The following NAV2 variants were observed in gnomAD, a reference collection of about 807,000 sequenced individuals.
NAV2 encodes the protein neuron navigator 2.
A neutral mutation model predicts 223.2 loss-of-function variants in NAV2; 54 were observed. The observed-to-expected ratio is 0.24, with a 90% confidence interval of 0.19 to 0.30. The LOEUF is 0.30. Among genes scored for constraint, NAV2 ranks in the 10% least tolerant of loss-of-function variants. The pLI is 1.00. For missense variants in NAV2, 2,806 were observed against 3,147.5 expected, an observed-to-expected ratio of 0.89 and a Z score of 2.60; for synonymous variants, 1,279 against 1,239.3, an observed-to-expected ratio of 1.03 and a Z score of -0.67.
chr11:19,865,143 G>A (rs11025300), intron 3 of NAV2, among the ~76,000 whole-genome samples: 22,250 of 152,146 alleles, frequency 0.15, 1,684 homozygotes, highest in Middle Eastern at 0.17. Flanking sequence ...ATACTTTGCT[G>A]TTTAAGAGTC....
chr11:19,714,064 T>A (rs1437799442), intron 1 of NAV2, 102 bp downstream of exon 1: 7 of 1,466,146 alleles, frequency 4.8e-6, no homozygotes, highest in African/African-American at 1.4e-5. Context: ...GGGTCTACCA[T>A]GTGGCCAGGG....
chr11:19,368,087 C>T (rs1045652576), intron 1 of NAV2, among the ~76,000 whole-genome samples: 7 of 152,194 alleles, frequency 4.6e-5, no homozygotes, highest in African/African-American at 1.7e-4. Flanking sequence ...TCAACAAGTA[C>T]TCTGATGTTA....
At chr11:19,633,792 C>T (rs2047414019) in intron 1 of NAV2, among the ~76,000 whole-genome samples, 3 of 152,232 alleles carry the variant, frequency 2.0e-5, no homozygotes, top group Admixed American at 2.0e-4. Flanking sequence ...CCATAAAGTG[C>T]ACTGGGAGGA....
intron 1 of NAV2, among the ~76,000 whole-genome samples, chr11:19,531,581 A>T (rs530979181): frequency 2.0e-5 from 3 of 152,362 alleles, no homozygotes; most frequent in African/African-American, 7.2e-5. Flanking sequence ...GGTAACTCCA[A>T]GATTTTGGCC....
At chr11:19,723,779 G>A (rs1454206709) in intron 1 of NAV2, among the ~76,000 whole-genome samples, 1 of 152,222 alleles carries the variant, frequency 6.6e-6, no homozygotes, top group East Asian at 1.9e-4. Context: ...CTAACAGCTG[G>A]CAGGACCTTG....
intron 1 of NAV2, among the ~76,000 whole-genome samples, chr11:19,818,529 A>T (rs2059221865): frequency 6.6e-6 from 1 of 152,142 alleles, no homozygotes; most frequent in Non-Finnish European, 1.5e-5. Context: ...ATGAGTTTTA[A>T]ATATTTACTA....
intron 1 of NAV2, among the ~76,000 whole-genome samples, chr11:19,513,599 T>G (rs1214516517): frequency 6.6e-6 from 1 of 152,212 alleles, no homozygotes; most frequent in Admixed American, 6.5e-5. Flanking sequence ...TCCCTTTTGA[T>G]GCTCCCATTA....
intron 1 of NAV2, among the ~76,000 whole-genome samples, chr11:19,757,918 C>A (rs7928626): frequency 6.6e-6 from 1 of 152,058 alleles, no homozygotes; most frequent in Non-Finnish European, 1.5e-5. Context: ...GTCTTACCCC[C>A]AGTCTCTTGG....
intron 1 of NAV2, among the ~76,000 whole-genome samples, chr11:19,641,155 C>A (rs1220426689): frequency 6.6e-6 from 1 of 152,168 alleles, no homozygotes; most frequent in Non-Finnish European, 1.5e-5. Flanking sequence ...CTGGGAGGGG[C>A]AGAGGTAAGT....
chr11:19,789,126 C>A (rs962941916), intron 1 of NAV2, among the ~76,000 whole-genome samples: 1 of 151,976 alleles, frequency 6.6e-6, no homozygotes, highest in Non-Finnish European at 1.5e-5. Context: ...AAGAGAGACA[C>A]CATTTCTCTA....
intron 1 of NAV2, among the ~76,000 whole-genome samples, chr11:19,392,127 G>A (rs1407237525): frequency 6.6e-6 from 1 of 152,182 alleles, no homozygotes; most frequent in Admixed American, 6.5e-5. Context: ...AATCAGACTT[G>A]AAAAGTAGTA....
rs527494470 is a variant in NAV2, at chr11:20,056,105, C to T, written c.4831+148C>T. The stretch of plus-strand genomic sequence containing the variant: ...CACCTCTCCCACCTACTCTGGGGGT[C>T]AGGGGTGGGGATCTCTGAAGAGTAA... On this transcript the variant is annotated intron_variant, in intron 19 of 37. Coordinates refer to ENST00000349880, the MANE Select transcript of NAV2 (RefSeq NM_145117.5). 88 of 715,130 alleles carry T rather than the reference C, an allele frequency of 1.2e-4. 2 individuals carry two copies. The South Asian group carries it at 1.5e-3, about 12-fold the overall frequency. 44.3% of individuals were successfully genotyped at this position (715,130 alleles called of 1,614,324 possible).
At chr11:19,958,633 T>C (rs1006327447) in intron 10 of NAV2, among the ~76,000 whole-genome samples, 3 of 152,172 alleles carry the variant, frequency 2.0e-5, no homozygotes, top group Non-Finnish European at 2.9e-5. Context: ...GATCATGGTG[T>C]GTACTCTCAG....
chr11:19,853,709 T>C (rs1012691353), intron 3 of NAV2, among the ~76,000 whole-genome samples: 4 of 152,216 alleles, frequency 2.6e-5, no homozygotes, highest in Admixed American at 6.5e-5. Context: ...GGTTGGAGTT[T>C]GAGATGCCTT....
intron 6 of NAV2, among the ~76,000 whole-genome samples, chr11:19,923,019 G>A (rs771999038): frequency 1.6e-4 from 24 of 152,146 alleles, no homozygotes; most frequent in Non-Finnish European, 3.2e-4. Flanking sequence ...TCCATGCAGA[G>A]TAAATAAAAG....
In NAV2 at chr11:20,088,815, G is replaced by A. The variant is rs193091714; in HGVS notation, c.5499-2050G>A. ...GCTGGACAGACGAGCCTCACATGGT[G>A]TCAGCCAGAACAGACTGTTCTCTGC... On this transcript the variant is annotated intron_variant, in intron 26 of 37. Coordinates refer to ENST00000349880, the MANE Select transcript of NAV2 (RefSeq NM_145117.5). Among the ~76,000 whole-genome samples, 383 of 152,284 alleles carry A rather than the reference G, an allele frequency of 2.5e-3. 2 individuals carry two copies. The highest frequency in any genetic ancestry group is 8.9e-3 in the African/African-American group (368 of 41,558).
chr11:19,442,184 G>A (rs1448754716), intron 1 of NAV2, among the ~76,000 whole-genome samples: 1 of 152,234 alleles, frequency 6.6e-6, no homozygotes, highest in Non-Finnish European at 1.5e-5. Context: ...GAGACTGTGT[G>A]CACTCACACC....
rs529634497 is a variant in NAV2 at position 19,398,229 on chromosome 11, G to A, written c.75+47202G>A. Among the ~76,000 whole-genome samples the A allele has an allele frequency of 1.7e-3, 266 of 152,192 alleles. 1 individual carries two copies. The highest frequency in any genetic ancestry group is 2.7e-3 in the Non-Finnish European group (184 of 68,002). On this transcript the variant is annotated intron_variant, in intron 1 of 37. Transcript: ENST00000360655. ...AATTGGGAGCCTGAATGTCACATGG[G>A]GAAAGCAGGAGCAAGAGAGAGAGAG...
intron 1 of NAV2, among the ~76,000 whole-genome samples, chr11:19,768,392 G>C (rs1192373653): frequency 1.3e-5 from 2 of 152,148 alleles, no homozygotes; most frequent in Non-Finnish European, 2.9e-5. Flanking sequence ...AGAGTTTGAT[G>C]AGTTCAGTCA....
Sources: allele counts gnomAD v4.1 joint callset (sites outside exome capture counted in the v4.1 genomes callset), GRCh38; gene constraint gnomAD v4.1.1; transcripts MANE v1.5; gene names NCBI Gene and HGNC (gene_info 2026-07-23, HGNC 2026-07-21).